GASK1A: variants seen among roughly 807,000 people sequenced by gnomAD.
The protein encoded by GASK1A is golgi associated kinase 1A.
A neutral mutation model predicts 41.2 loss-of-function variants in GASK1A; 40 were observed. That is an observed-to-expected ratio of 0.97 (90% confidence interval 0.75 to 1.27). The LOEUF is 1.27. Among genes scored for constraint, GASK1A ranks in the 50% most tolerant of loss-of-function variants. The pLI is 0.00. For synonymous variants in GASK1A, 316 were observed against 307.1 expected (o/e 1.03, Z -0.30); for missense variants, 678 against 745.1 (o/e 0.91, Z 1.05).
intron 3 of GASK1A, among the ~76,000 whole-genome samples, chr3:43,054,613 G>A (rs756919579): frequency 1.3e-5 from 2 of 152,182 alleles, no homozygotes; most frequent in Non-Finnish European, 2.9e-5. Context: ...CTTAAGCCTA[G>A]GCCACTGGAG....
chr3:43,039,204 G>A (rs112068336), intron 2 of GASK1A, among the ~76,000 whole-genome samples: 1 of 136,550 alleles, frequency 7.3e-6, no homozygotes, highest in Non-Finnish European at 1.6e-5. Flanking sequence ...TTTTTTTTTT[G>A]GTTTTTTTTT....
chr3:43,018,968 C>T lies in GASK1A; in HGVS notation c.4-13299C>T, dbSNP rs116241299. On this transcript the variant is annotated intron_variant, in intron 1 of 4. Coordinates refer to ENST00000430121, the MANE Select transcript of GASK1A (RefSeq NM_001129908.3). ...GTTCGTGCCTTGGTGCTGCCCTTGT[C>T]AGCAGTGTGAGCCTTGGGCCTCTCT... Among the ~76,000 whole-genome samples, 889 of 152,278 alleles carry T rather than the reference C, an allele frequency of 5.8e-3. 6 individuals are homozygous for T. Among genetic ancestry groups the T allele is most frequent in the South Asian group, 0.011 (52 of 4,818 alleles).
chr3:43,022,187 A>G (rs2089525753), intron 1 of GASK1A, among the ~76,000 whole-genome samples: 1 of 152,168 alleles, frequency 6.6e-6, no homozygotes, highest in Non-Finnish European at 1.5e-5. Context: ...TTTATTATTC[A>G]GCTGAATATT....
chr3:43,015,909 G>A (rs957272837), intron 1 of GASK1A, among the ~76,000 whole-genome samples: 7 of 151,806 alleles, frequency 4.6e-5, no homozygotes, highest in African/African-American at 1.7e-4. Flanking sequence ...GGGAGGGGCA[G>A]TGTGAAGCCA....
chr3:43,053,779 C>A (rs913270167), intron 3 of GASK1A, 136 bp downstream of exon 3: 4 of 1,029,074 alleles, frequency 3.9e-6, no homozygotes, highest in Non-Finnish European at 5.9e-6. Context: ...GCAGCAGAAC[C>A]AGTTGTTTGA....
intron 2 of GASK1A, among the ~76,000 whole-genome samples, chr3:43,042,070 T>C (rs780889149): frequency 2.6e-5 from 4 of 152,110 alleles, no homozygotes; most frequent in Non-Finnish European, 5.9e-5. Flanking sequence ...CCCAGAGACA[T>C]GACATGTTTC....
intron 2 of GASK1A, among the ~76,000 whole-genome samples, chr3:43,042,361 T>A (rs1181236136): frequency 2.0e-5 from 3 of 150,116 alleles, no homozygotes; most frequent in Non-Finnish European, 1.5e-5. Flanking sequence ...CATGCACCTG[T>A]AGTCCCAGCT....
chr3:42,998,058 C>A (rs188296532), intron 1 of GASK1A, among the ~76,000 whole-genome samples: 1 of 152,184 alleles, frequency 6.6e-6, no homozygotes, highest in African/African-American at 2.4e-5. Flanking sequence ...GGGGTATTAG[C>A]GTCCCAGCAG....
Position 43,056,356 on chromosome 3 carries a change from C to T in GASK1A, c.1698C>T (p.Asn566=), listed in dbSNP as rs1281563508. 1.3e-6 allele frequency: 2 copies of T among 1,550,538 alleles called. No individual in the cohort carries two copies. The highest frequency in any genetic ancestry group is 2.4e-5 in the East Asian group (1 of 40,918). The stretch of plus-strand genomic sequence containing the variant: ...TGCTGGGACACATCCAAAAGCACAA[C>T]CTCACACTCTTCAGGGACGAGGACC... The part of the protein sequence containing the change: ...QVLLGHIQKH[N]LTLFRDEDP Residue 566 remains asparagine (N), a synonymous_variant, in exon 5 of 5, where the codon AAC becomes AAT. Transcript: ENST00000430121.
intron 1 of GASK1A, among the ~76,000 whole-genome samples, chr3:42,985,546 CGT>C (rs56195274): frequency 0.043 from 5,736 of 134,692 alleles, 189 homozygotes; most frequent in African/African-American, 0.09. Context: ...CCTGTGCATA[CGT>C]GTGTGTGTGT....
chr3:43,044,234 G>T (rs487463), intron 2 of GASK1A, among the ~76,000 whole-genome samples: 1 of 152,090 alleles, frequency 6.6e-6, no homozygotes, highest in Admixed American at 6.5e-5. Context: ...GACATTTGCT[G>T]TCCTGGCCCA....
intron 1 of GASK1A, among the ~76,000 whole-genome samples, chr3:43,026,313 A>G (rs1392559422): frequency 6.6e-6 from 1 of 152,226 alleles, no homozygotes; most frequent in Non-Finnish European, 1.5e-5. Flanking sequence ...GTTGATTTCA[A>G]ATTCCACCGG....
chr3:42,988,843 T>C (rs1323550222), intron 1 of GASK1A, among the ~76,000 whole-genome samples: 1 of 152,214 alleles, frequency 6.6e-6, no homozygotes, highest in African/African-American at 2.4e-5. Flanking sequence ...GTGCTCCTGC[T>C]GGGGAGGCAT....
In GASK1A at chr3:43,056,585, G is replaced by C. The variant is rs562509608; in HGVS notation, c.*199G>C. 32 of 525,882 alleles carry C rather than the reference G, an allele frequency of 6.1e-5. No individual in the cohort carries two copies. In the Middle Eastern group the frequency reaches 2.5e-3, roughly 41 times the overall value. The allele number at this position is 525,882 out of a possible 1,614,324, so 32.6% of individuals were successfully genotyped here. A position where few individuals can be genotyped will look rare whatever the true frequency, so the allele number is the denominator to read the frequency against. On this transcript the variant is annotated 3_prime_UTR_variant, in exon 5 of 5. Coordinates refer to ENST00000430121, the MANE Select transcript of GASK1A (RefSeq NM_001129908.3). ...GTCCCTTTCTGCCTTCTCGGCTCTG[G>C]CTATTTATTCCCTTGCACCAACAAA...
intron 1 of GASK1A, among the ~76,000 whole-genome samples, chr3:42,986,073 A>G (rs1207278113): frequency 6.6e-6 from 1 of 152,222 alleles, no homozygotes; most frequent in African/African-American, 2.4e-5. Context: ...CAAACTGGAA[A>G]CAACCCAAAT....
At chr3:42,987,483 A>G (rs2089318069) in intron 1 of GASK1A, among the ~76,000 whole-genome samples, 1 of 152,248 alleles carries the variant, frequency 6.6e-6, no homozygotes, top group Non-Finnish European at 1.5e-5. Flanking sequence ...ACTATGAATT[A>G]AAGAATAAAA....
Position 43,053,704 on chromosome 3 carries a change from G to C in GASK1A, c.1413+61G>C. On this transcript the variant is annotated intron_variant, in intron 3 of 4. Transcript: ENST00000430121. ...GACCCAGGTCTTTCTGTGTCCTTCA[G>C]AAGATGCTGTTAACAAGTTTCAGAG... The C allele has an allele frequency of 3.3e-6, 5 of 1,538,290 alleles. No individual in the cohort carries two copies. In the South Asian group the frequency reaches 6.0e-5, roughly 18 times the overall value.
At chr3:42,998,887 A>G (rs1344058854) in intron 1 of GASK1A, among the ~76,000 whole-genome samples, 1 of 152,074 alleles carries the variant, frequency 6.6e-6, no homozygotes, top group Non-Finnish European at 1.5e-5. Flanking sequence ...AATCAGTGTC[A>G]GCTTCCCTAG....
chr3:43,026,636 A>G (rs1014027541), intron 1 of GASK1A, among the ~76,000 whole-genome samples: 7 of 152,222 alleles, frequency 4.6e-5, no homozygotes, highest in African/African-American at 1.7e-4. Context: ...AAAGTGGAAA[A>G]TAACAGAAAG....
Sources: allele counts gnomAD v4.1 joint callset (sites outside exome capture counted in the v4.1 genomes callset), GRCh38; gene constraint gnomAD v4.1.1; transcripts MANE v1.5; gene names NCBI Gene and HGNC (gene_info 2026-07-23, HGNC 2026-07-21).